RASA3: variants seen among roughly 807,000 people sequenced by gnomAD.
The protein encoded by RASA3 is ras GTPase-activating protein 3.
In RASA3, 73 loss-of-function variants were observed where a neutral mutation model predicts 110.0. The observed-to-expected ratio is 0.66, with a 90% CI of 0.55 to 0.81. RASA3 has a LOEUF of 0.81. RASA3 is among the 30% of genes least tolerant of loss of function. The pLI is 0.00. For missense variants in RASA3, 976 were observed against 1,113.2 expected, an observed-to-expected ratio of 0.88 and a Z score of 1.75; for synonymous variants, 500 against 451.4, an observed-to-expected ratio of 1.11 and a Z score of -1.37.
At chr13:114,124,005 G>A (rs1383699231) in intron 1 of RASA3, among the ~76,000 whole-genome samples, 1 of 152,200 alleles carries the variant, frequency 6.6e-6, no homozygotes, top group Non-Finnish European at 1.5e-5. Flanking sequence ...TCCAGGTCAA[G>A]GCACCGGTTT....
intron 1 of RASA3, among the ~76,000 whole-genome samples, chr13:114,100,598 C>T (rs550673866): frequency 6.6e-6 from 1 of 152,350 alleles, no homozygotes; most frequent in South Asian, 2.1e-4. Flanking sequence ...CCGGCCCTAG[C>T]AGTTGGGAAG....
intron 1 of RASA3, among the ~76,000 whole-genome samples, chr13:114,125,943 C>T (rs111788332): frequency 0.12 from 7,090 of 60,884 alleles, 622 homozygotes; most frequent in Middle Eastern, 0.3. Flanking sequence ...GCACCTGCTG[C>T]CCAACCTCGC....
At chr13:114,017,170 G>C in intron 12 of RASA3, 67 bp downstream of exon 12, 3 of 1,418,200 alleles carry the variant, frequency 2.1e-6, no homozygotes, top group Middle Eastern at 3.7e-4. Context: ...TCCCAGTGCA[G>C]TGCCCTCTGT....
rs1044210296 is a variant in RASA3, at chr13:114,114,587, G to A, written c.55+17848C>T. On this transcript the variant is annotated intron_variant, in intron 1 of 23. Coordinates refer to ENST00000334062, the MANE Select transcript of RASA3 (RefSeq NM_007368.4). The surrounding 1 kb of genome is among the most constrained non-coding windows in gnomAD (Gnocchi z 4.8). ...TTTACTTAAATAACAGCATATTCTC[G>A]TCTGGTCTTTAAACCACACAGGCCA... Among the ~76,000 whole-genome samples, 7 of 151,442 alleles carry A rather than the reference G, an allele frequency of 4.6e-5. No homozygotes were observed. The highest frequency in any genetic ancestry group is 2.1e-4 in the East Asian group (1 of 4,766).
At chr13:114,117,132 TGTGTGAGGAGA>T (rs2080293098) in intron 1 of RASA3, among the ~76,000 whole-genome samples, 1 of 120,164 alleles carries the variant, frequency 8.3e-6, no homozygotes, top group Admixed American at 8.6e-5. Context: ...GGGATGCATG[TGTGTGAGGAGA>T]GCACGTGTGT....
intron 3 of RASA3, among the ~76,000 whole-genome samples, chr13:114,047,532 G>C (rs577953574): frequency 3.9e-5 from 6 of 152,382 alleles, no homozygotes; most frequent in Middle Eastern, 3.4e-3. Context: ...CAGTGACCCA[G>C]CAACCTCGCT....
intron 4 of RASA3, among the ~76,000 whole-genome samples, chr13:114,040,707 G>A (rs1321172034): frequency 2.2e-5 from 3 of 135,906 alleles, no homozygotes; most frequent in Non-Finnish European, 3.1e-5. Context: ...AAATCCACAC[G>A]CGGAGCCCGC....
intron 21 of RASA3, among the ~76,000 whole-genome samples, chr13:113,995,318 A>G (rs77793731): frequency 0.099 from 15,147 of 152,290 alleles, 983 homozygotes; most frequent in Middle Eastern, 0.15. Flanking sequence ...GTGGCCACGC[A>G]TGCCTGAGCA....
chr13:113,981,401 G>C (rs2052929665), intron 23 of RASA3, among the ~76,000 whole-genome samples: 1 of 152,234 alleles, frequency 6.6e-6, no homozygotes, highest in African/African-American at 2.4e-5. Context: ...GTATAGCAGA[G>C]AGGCTGGGAG....
chr13:114,037,923 G>A (rs531505562), intron 4 of RASA3, among the ~76,000 whole-genome samples: 179 of 151,360 alleles, frequency 1.2e-3, no homozygotes, highest in Non-Finnish European at 2.3e-3. Flanking sequence ...CGGGGGAGCC[G>A]GGAGAAGGGA....
intron 3 of RASA3, among the ~76,000 whole-genome samples, chr13:114,047,935 T>C (rs1487763360): frequency 6.6e-6 from 1 of 152,230 alleles, no homozygotes; most frequent in Non-Finnish European, 1.5e-5. Context: ...TGCTGCTGTC[T>C]ACACAACTGC....
chr13:114,102,864 A>G (rs1440052689), intron 1 of RASA3, among the ~76,000 whole-genome samples: 2 of 152,184 alleles, frequency 1.3e-5, no homozygotes, highest in East Asian at 3.8e-4. Context: ...AGTCGTCTGT[A>G]TAATCGCCGT....
chr13:114,132,319 G>T, intron 1 of RASA3, 116 bp downstream of exon 1: 1 of 1,120,196 alleles, frequency 8.9e-7, no homozygotes, highest in Non-Finnish European at 1.2e-6. Flanking sequence ...AGCGCGCCGC[G>T]CCTGGAGGGC....
intron 16 of RASA3, among the ~76,000 whole-genome samples, chr13:114,010,748 G>A (rs1236725403): frequency 8.8e-6 from 1 of 113,024 alleles, no homozygotes; most frequent in Non-Finnish European, 2.0e-5. Context: ...TGAGGAGGAG[G>A]GGGCCGCGTG....
intron 2 of RASA3, among the ~76,000 whole-genome samples, chr13:114,062,489 A>G (rs909153643): frequency 6.6e-6 from 1 of 152,148 alleles, no homozygotes; most frequent in Non-Finnish European, 1.5e-5. Flanking sequence ...GACGTTCAAC[A>G]CACAGTCGCC....
rs748009478 is a variant in RASA3 at position 114,016,291 on chromosome 13, A to T, written c.1207-20T>A. 1 of 1,548,768 alleles carries T rather than the reference A, an allele frequency of 6.5e-7. No homozygotes were observed. The highest frequency in any genetic ancestry group is 8.9e-7 in the Non-Finnish European group (1 of 1,121,058). ...GCATATCTGGGGAGAGGTTTAAGAC[A>T]GGGCTCTGTGAGTGGGTTCTGGGGG... On this transcript the variant is annotated intron_variant, in intron 12 of 23. Transcript: ENST00000334062.
rs536456216 is a variant in RASA3 at position 114,013,241 on chromosome 13, C to T, written c.1413G>A (p.Pro471=). 4.3e-5 allele frequency: 70 copies of T among 1,611,436 alleles called. No individual in the cohort carries two copies. Among genetic ancestry groups the T allele is most frequent in the Admixed American group, 1.2e-4 (7 of 59,714 alleles). ...EAAAKRFQDD[P]DVRYTAVSSF... is the part of the protein sequence containing the mutation. ...TGCTCACTGCAGTGTACCTGACGTC[C>T]GGGTCATCTGCGGGAGAGAGAAGCA... Residue 471 remains proline (P), a synonymous_variant, in exon 15 of 24, where the codon CCG becomes CCA. Transcript: ENST00000334062.
intron 2 of RASA3, among the ~76,000 whole-genome samples, chr13:114,067,004 A>T (rs111698904): frequency 7.4e-6 from 1 of 135,624 alleles, no homozygotes; most frequent in Non-Finnish European, 1.6e-5. Flanking sequence ...CGGGCCCCCC[A>T]ACCTGGGCTG....
At chr13:114,028,563 G>A (rs1016187654) in intron 5 of RASA3, among the ~76,000 whole-genome samples, 7 of 147,848 alleles carry the variant, frequency 4.7e-5, no homozygotes, top group Non-Finnish European at 1.0e-4. Flanking sequence ...TCCTGGAAGG[G>A]GGCCAGAACT....
Sources: gnomAD v4.1 joint callset for allele counts (sites outside exome capture counted in the v4.1 genomes callset) on GRCh38, gnomAD v4.1.1 for gene constraint, Gnocchi (gnomAD v3.1) non-coding constraint, MANE v1.5 for transcripts, NCBI Gene and HGNC (gene_info 2026-07-23, HGNC 2026-07-21) for gene names.